The following KCNIP4 variants were observed in gnomAD, a reference collection of about 807,000 sequenced individuals.
KCNIP4 encodes the protein potassium voltage-gated channel interacting protein 4.
A neutral mutation model predicts 34.0 loss-of-function variants in KCNIP4; 12 were observed. The ratio of observed to expected loss-of-function variants is 0.35; its 90% confidence interval spans 0.23 to 0.57. The LOEUF (loss-of-function observed/expected upper bound fraction) is 0.57. Among genes scored for constraint, KCNIP4 ranks in the 20% least tolerant of loss-of-function variants. The probability of loss-of-function intolerance (pLI) is 0.83; values close to 1 mark genes in which losing one functional copy is unlikely to be tolerated. For synonymous variants in KCNIP4, 124 were observed against 102.2 expected (o/e 1.21, Z -1.29); for missense variants, 238 against 311.7 (o/e 0.76, Z 1.78).
At chr4:21,305,510 G>A (rs1239403831) in intron 1 of KCNIP4, among the ~76,000 whole-genome samples, 2 of 152,196 alleles carry the variant, frequency 1.3e-5, no homozygotes, top group East Asian at 3.9e-4. Context: ...ACTTTGCTGG[G>A]TTGCCAGAGG....
chr4:21,303,411 A>T (rs927949591), intron 1 of KCNIP4, among the ~76,000 whole-genome samples: 4 of 152,220 alleles, frequency 2.6e-5, no homozygotes, highest in African/African-American at 9.6e-5. Flanking sequence ...GTATTTGCAT[A>T]GCAAGAAATG....
chr4:20,817,126 A>G (rs1296854798), intron 3 of KCNIP4, among the ~76,000 whole-genome samples: 1 of 152,188 alleles, frequency 6.6e-6, no homozygotes, highest in Non-Finnish European at 1.5e-5. Flanking sequence ...AATCTCTGGG[A>G]GAGGAAGGAG....
intron 3 of KCNIP4, among the ~76,000 whole-genome samples, chr4:20,769,324 A>G (rs1755674510): frequency 6.6e-6 from 1 of 152,128 alleles, no homozygotes; most frequent in African/African-American, 2.4e-5. Flanking sequence ...AGATTTTCCA[A>G]ATTTTGTAGG....
rs925422830 is a variant in KCNIP4, at chr4:21,614,504, T to C, written c.61+334067A>G. Among the ~76,000 whole-genome samples the C allele has an allele frequency of 1.2e-4, 18 of 148,318 alleles. No individual in the cohort carries two copies. In the East Asian group the frequency reaches 3.5e-3, roughly 29 times the overall value. On this transcript the variant is annotated intron_variant, in intron 1 of 8. Coordinates refer to ENST00000382152, the MANE Select transcript of KCNIP4 (RefSeq NM_025221.6). ...TATATATAAGTATTTATATATATAA[T>C]ATATATAGCTTAAATTAAGCTATAA...
At chr4:21,429,943 G>A (rs186475288) in intron 1 of KCNIP4, among the ~76,000 whole-genome samples, 1 of 152,124 alleles carries the variant, frequency 6.6e-6, no homozygotes, top group African/African-American at 2.4e-5. Context: ...AGTATGCACT[G>A]AGCATCTATC....
At chr4:21,720,013 A>AGAAGG (rs1714683250) in intron 1 of KCNIP4, among the ~76,000 whole-genome samples, 6 of 131,234 alleles carry the variant, frequency 4.6e-5, no homozygotes, top group African/African-American at 1.9e-4. Context: ...AAAGAAGAAG[A>AGAAGG]AGAAGGAGAA....
At chr4:21,578,191 G>A (rs1250339401) in intron 1 of KCNIP4, among the ~76,000 whole-genome samples, 1 of 151,830 alleles carries the variant, frequency 6.6e-6, no homozygotes, top group African/African-American at 2.4e-5. Context: ...AAAATTAGCC[G>A]GGCGTGGTAG....
chr4:21,632,952 A>C (rs1201132243), intron 1 of KCNIP4, among the ~76,000 whole-genome samples: 1 of 152,174 alleles, frequency 6.6e-6, no homozygotes, highest in African/African-American at 2.4e-5. Context: ...TCTTATACTG[A>C]GGTTATATTT....
chr4:20,992,051 C>T (rs540231328), intron 1 of KCNIP4, among the ~76,000 whole-genome samples: 9 of 152,294 alleles, frequency 5.9e-5, no homozygotes, highest in South Asian at 4.2e-4. Flanking sequence ...TGAAGAGAAA[C>T]TGAATGAATA....
chr4:20,766,695 C>T (rs1258674847), intron 3 of KCNIP4: 1 of 152,234 alleles, frequency 6.6e-6, no homozygotes, highest in East Asian at 1.9e-4. Context: ...CAGGGGGCTG[C>T]TAAGCCTGAC....
chr4:20,830,734 G>A (rs1463955318), intron 3 of KCNIP4, among the ~76,000 whole-genome samples: 1 of 152,118 alleles, frequency 6.6e-6, no homozygotes, highest in African/African-American at 2.4e-5. Flanking sequence ...GCTTCTTGAG[G>A]GAAAGAATCA....
At chr4:21,096,298 A>C (rs1426377951) in intron 1 of KCNIP4, among the ~76,000 whole-genome samples, 1 of 152,212 alleles carries the variant, frequency 6.6e-6, no homozygotes, top group African/African-American at 2.4e-5. Context: ...AAAAAAATTC[A>C]GATCCTGAAA....
intron 1 of KCNIP4, among the ~76,000 whole-genome samples, chr4:21,686,176 T>C (rs1303767883): frequency 1.3e-5 from 2 of 152,164 alleles, no homozygotes; most frequent in Non-Finnish European, 2.9e-5. Flanking sequence ...CCTAATCTGG[T>C]GGTCTTGAAA....
chr4:20,980,774 C>A (rs1485749018), intron 1 of KCNIP4, among the ~76,000 whole-genome samples: 1 of 150,890 alleles, frequency 6.6e-6, no homozygotes, highest in Non-Finnish European at 1.5e-5. Flanking sequence ...GCTCAAATTT[C>A]TACTCTGGGC....
At chr4:20,837,046 A>C (rs1719132218) in intron 3 of KCNIP4, among the ~76,000 whole-genome samples, 1 of 152,138 alleles carries the variant, frequency 6.6e-6, no homozygotes, top group East Asian at 1.9e-4. Context: ...GCATTCAGTA[A>C]GTAGTTGGTG....
chr4:20,893,382 T>C (rs1216448049), intron 1 of KCNIP4, among the ~76,000 whole-genome samples: 1 of 152,106 alleles, frequency 6.6e-6, no homozygotes, highest in Admixed American at 6.6e-5. Context: ...CACTTTTTGT[T>C]TGTAAGGCTT....
chr4:21,146,270 C>T (rs566031324), intron 1 of KCNIP4, among the ~76,000 whole-genome samples: 145 of 152,044 alleles, frequency 9.5e-4, no homozygotes, highest in Middle Eastern at 3.4e-3. Context: ...TGGTGGCGGG[C>T]GCCTATAGTC....
intron 1 of KCNIP4, among the ~76,000 whole-genome samples, chr4:21,610,534 A>T (rs1253120732): frequency 6.6e-6 from 1 of 152,160 alleles, no homozygotes; most frequent in Non-Finnish European, 1.5e-5. Flanking sequence ...GTGAGGGAGG[A>T]TGACACAATT....
intron 1 of KCNIP4, among the ~76,000 whole-genome samples, chr4:20,953,537 C>T (rs1308839453): frequency 6.6e-6 from 1 of 152,008 alleles, no homozygotes; most frequent in Non-Finnish European, 1.5e-5. Context: ...CAAAAATTAG[C>T]CTGGCATGAT....
Sources: gnomAD v4.1 joint callset for allele counts (sites outside exome capture counted in the v4.1 genomes callset) on GRCh38, gnomAD v4.1.1 for gene constraint, MANE v1.5 for transcripts, NCBI Gene and HGNC (gene_info 2026-07-23, HGNC 2026-07-21) for gene names.